Variants in TENM2 observed in about 807,000 individuals in gnomAD.
The protein encoded by TENM2 is teneurin transmembrane protein 2, also known as teneurin-2.
TENM2 carries 52 observed loss-of-function variants against 245.2 expected under a neutral mutation model. The observed-to-expected ratio is 0.21, with a 90% confidence interval of 0.17 to 0.27. TENM2 has a LOEUF of 0.27. Among genes scored for constraint, TENM2 ranks in the 10% least tolerant of loss-of-function variants. The pLI is 1.00. For missense variants in TENM2, 3,046 were observed against 3,666.8 expected (o/e 0.83, Z 4.37); for synonymous variants, 1,363 against 1,438.9 (o/e 0.95, Z 1.19).
intron 1 of TENM2, among the ~76,000 whole-genome samples, chr5:167,335,900 C>T (rs1233282455): frequency 1.3e-5 from 2 of 152,130 alleles, no homozygotes; most frequent in African/African-American, 4.8e-5. Flanking sequence ...GCTAGGTGTG[C>T]TGGGCTGTGT....
intron 13 of TENM2, among the ~76,000 whole-genome samples, chr5:168,168,583 C>T (rs1473176256): frequency 6.6e-6 from 1 of 151,328 alleles, no homozygotes; most frequent in Non-Finnish European, 1.5e-5. Context: ...ACTCAGGAGG[C>T]CGAGGTAGAA....
chr5:167,944,265 C>G (rs1779421051), intron 3 of TENM2, among the ~76,000 whole-genome samples: 2 of 152,124 alleles, frequency 1.3e-5, no homozygotes, highest in African/African-American at 4.8e-5. Flanking sequence ...TTCTTGTTTC[C>G]CCTCCCACAA....
At chr5:167,665,374 G>C (rs1755502964) in intron 2 of TENM2, among the ~76,000 whole-genome samples, 1 of 152,124 alleles carries the variant, frequency 6.6e-6, no homozygotes, top group African/African-American at 2.4e-5. Flanking sequence ...CCAAAAAAGT[G>C]GCTGCGATCC....
chr5:167,023,130 C>A, the TENM2 span, among the ~76,000 whole-genome samples: 1 of 152,156 alleles, frequency 6.6e-6, no homozygotes, highest in Non-Finnish European at 1.5e-5. Flanking sequence ...AAGATTCTGG[C>A]AACTGACAAA....
intron 2 of TENM2, among the ~76,000 whole-genome samples, chr5:167,522,491 C>T (rs895660343): frequency 1.3e-5 from 2 of 151,938 alleles, no homozygotes; most frequent in East Asian, 3.9e-4. Context: ...CATTTTCTTT[C>T]TCTGGGTCTT....
intron 2 of TENM2, among the ~76,000 whole-genome samples, chr5:167,584,843 C>T (rs966567175): frequency 5.9e-5 from 9 of 151,942 alleles, no homozygotes; most frequent in African/African-American, 1.5e-4. Context: ...TACAGGCGCC[C>T]GCCACCACGC....
At chr5:167,591,416 C>T (rs1391040771) in intron 2 of TENM2, among the ~76,000 whole-genome samples, 3 of 152,144 alleles carry the variant, frequency 2.0e-5, no homozygotes, top group Non-Finnish European at 4.4e-5. Context: ...TATTACTCAA[C>T]CTAGGAACTT....
At chr5:167,886,381 A>G (rs1461887943) in intron 3 of TENM2, among the ~76,000 whole-genome samples, 11 of 152,242 alleles carry the variant, frequency 7.2e-5, no homozygotes, top group Admixed American at 2.6e-4. Flanking sequence ...TAGCATTTAC[A>G]TGGCCACAGT....
At chr5:167,876,267 C>A in intron 3 of TENM2, 72 bp downstream of exon 5, 1 of 1,304,776 alleles carries the variant, frequency 7.7e-7, no homozygotes, top group Non-Finnish European at 1.1e-6. Context: ...ACCAAAATGA[C>A]AATGCTGAAA....
At chr5:168,158,680 G>A (rs920745677) in intron 12 of TENM2, among the ~76,000 whole-genome samples, 1 of 150,198 alleles carries the variant, frequency 6.7e-6, no homozygotes, top group African/African-American at 2.4e-5. Flanking sequence ...GACTGGGCAC[G>A]GTGGCTCATG....
intron 2 of TENM2, among the ~76,000 whole-genome samples, chr5:167,459,868 A>G (rs1455309687): frequency 6.6e-6 from 1 of 151,944 alleles, no homozygotes; most frequent in Non-Finnish European, 1.5e-5. Context: ...CATAAACTAG[A>G]TAGGTCCTCA....
At chr5:167,029,643 A>T in the TENM2 span, among the ~76,000 whole-genome samples, 164 of 152,260 alleles carry the variant, frequency 1.1e-3, 1 homozygote, top group Middle Eastern at 3.4e-3. Context: ...TGGAATAAAA[A>T]TCCCTTCCTC....
the TENM2 span, among the ~76,000 whole-genome samples, chr5:167,231,015 C>A: frequency 6.6e-6 from 1 of 152,098 alleles, no homozygotes; most frequent in Admixed American, 6.5e-5. Flanking sequence ...GCATTTCCAC[C>A]ACTTGCACTC....
At chr5:167,542,020 C>G (rs1419005423) in intron 2 of TENM2, among the ~76,000 whole-genome samples, 1 of 152,188 alleles carries the variant, frequency 6.6e-6, no homozygotes, top group South Asian at 2.1e-4. Context: ...TCTGTGTACT[C>G]AACATGCCTA....
chr5:167,296,760 C>T (rs1022843357), intron 1 of TENM2, among the ~76,000 whole-genome samples: 3 of 152,206 alleles, frequency 2.0e-5, no homozygotes, highest in Non-Finnish European at 4.4e-5. Context: ...ACTCTGACTC[C>T]ATTTGTCTGC....
intron 4 of TENM2, among the ~76,000 whole-genome samples, chr5:167,982,008 AAAG>A (rs1454208532): frequency 1.3e-5 from 2 of 151,852 alleles, no homozygotes; most frequent in Non-Finnish European, 2.9e-5. Flanking sequence ...AAAAAGAAAA[AAAG>A]AAAATCCAGA....
At chr5:167,122,090 G>A in the TENM2 span, among the ~76,000 whole-genome samples, 2 of 152,130 alleles carry the variant, frequency 1.3e-5, no homozygotes, top group East Asian at 1.9e-4. Flanking sequence ...TCTGCCCGTA[G>A]TATTGCATTC....
intron 2 of TENM2, among the ~76,000 whole-genome samples, chr5:167,444,292 T>TAC (rs1403343870): frequency 3.4e-4 from 16 of 47,424 alleles, no homozygotes; most frequent in Admixed American, 8.5e-4. Flanking sequence ...CATGCACACA[T>TAC]ACACATACAC....
the TENM2 span, among the ~76,000 whole-genome samples, chr5:167,227,351 A>G: frequency 2.0e-5 from 3 of 152,116 alleles, no homozygotes; most frequent in African/African-American, 4.8e-5. Context: ...TTGGTTTATC[A>G]GTAAGTTTTA....
Sources: allele counts gnomAD v4.1 joint callset (sites outside exome capture counted in the v4.1 genomes callset), GRCh38; gene constraint gnomAD v4.1.1; transcripts MANE v1.5; gene names NCBI Gene and HGNC (gene_info 2026-07-23, HGNC 2026-07-21).